The following ACTR3C variants were observed in gnomAD, a reference collection of about 807,000 sequenced individuals.
ACTR3C encodes the protein actin related protein 3C, also known as actin-related protein 3C.
ACTR3C carries 18 observed loss-of-function variants against 26.3 expected under a neutral mutation model. The observed-to-expected ratio is 0.68, with a 90% CI of 0.47 to 1.01. The LOEUF (loss-of-function observed/expected upper bound fraction) is 1.01, where lower values mean the gene tolerates loss of function less well. Ranked by LOEUF, ACTR3C falls within the 50% of genes least tolerant of loss-of-function variation. The pLI, the probability that ACTR3C is intolerant of heterozygous loss-of-function variation, is 0.00. For missense variants in ACTR3C, 184 were observed against 250.7 expected (o/e 0.73, Z 1.80); for synonymous variants, 55 against 94.5 (o/e 0.58, Z 2.42).
At chr7:150,276,545 G>A (rs1469240631) in intron 6 of ACTR3C, among the ~76,000 whole-genome samples, 1 of 152,242 alleles carries the variant, frequency 6.6e-6, no homozygotes, top group Non-Finnish European at 1.5e-5. Flanking sequence ...AATACGGGCT[G>A]TTATGATACC....
chr7:150,123,614 A>AC, the ACTR3C span, among the ~76,000 whole-genome samples: 5,290 of 85,550 alleles, frequency 0.062, 282 homozygotes, highest in African/African-American at 0.16. Flanking sequence ...CACACACACA[A>AC]ACACACACCC....
the ACTR3C span, among the ~76,000 whole-genome samples, chr7:150,099,848 C>A: frequency 3.3e-5 from 5 of 151,472 alleles, no homozygotes; most frequent in Non-Finnish European, 7.4e-5. Context: ...CAGCTGTGAC[C>A]CTGGGCCAGG....
the ACTR3C span, among the ~76,000 whole-genome samples, chr7:150,012,874 AGGC>A: frequency 6.6e-6 from 1 of 152,286 alleles, no homozygotes; most frequent in Non-Finnish European, 1.5e-5. Flanking sequence ...GAGGCTGGAA[AGGC>A]GGCTTGGTTC....
the ACTR3C span, among the ~76,000 whole-genome samples, chr7:150,041,784 C>G: frequency 4.9e-5 from 6 of 122,268 alleles, no homozygotes; most frequent in East Asian, 7.1e-4. Flanking sequence ...TCAGTCCCTG[C>G]CTCGCGGGGG....
At chr7:149,885,328 C>T in the ACTR3C span, among the ~76,000 whole-genome samples, 1 of 152,216 alleles carries the variant, frequency 6.6e-6, no homozygotes, top group East Asian at 1.9e-4. Context: ...AGGACTGGAG[C>T]TTCTGACCAG....
At chr7:150,278,712 C>T (rs1835083524) in intron 6 of ACTR3C, among the ~76,000 whole-genome samples, 1 of 152,222 alleles carries the variant, frequency 6.6e-6, no homozygotes, top group African/African-American at 2.4e-5. Context: ...CCTTCCCTTC[C>T]CACTAAGACA....
At chr7:150,124,042 C>A in the ACTR3C span, among the ~76,000 whole-genome samples, 1 of 152,138 alleles carries the variant, frequency 6.6e-6, no homozygotes, top group Non-Finnish European at 1.5e-5. Flanking sequence ...AATCAAGTCC[C>A]CATGGGCATC....
At chr7:150,237,305 A>G in the ACTR3C span, among the ~76,000 whole-genome samples, 1 of 152,224 alleles carries the variant, frequency 6.6e-6, no homozygotes, top group South Asian at 2.1e-4. Context: ...AATTGCAAGC[A>G]CCTACGTTGG....
chr7:150,201,458 T>A, the ACTR3C span, among the ~76,000 whole-genome samples: 1 of 152,178 alleles, frequency 6.6e-6, no homozygotes, highest in Admixed American at 6.5e-5. Context: ...AGTTTCTTAC[T>A]TTTTTTAGGC....
chr7:149,917,982 G>A, the ACTR3C span, among the ~76,000 whole-genome samples: 10 of 152,022 alleles, frequency 6.6e-5, no homozygotes, highest in African/African-American at 2.2e-4. Flanking sequence ...TTAAAGCAAC[G>A]CACAATCTCC....
chr7:150,315,773 T>C (rs897259954), intron 1 of ACTR3C, among the ~76,000 whole-genome samples: 10 of 152,166 alleles, frequency 6.6e-5, no homozygotes, highest in Non-Finnish European at 4.4e-5. Flanking sequence ...TATTCATACA[T>C]GTGTGTATTC....
At chr7:149,910,915 C>T in the ACTR3C span, among the ~76,000 whole-genome samples, 39 of 151,990 alleles carry the variant, frequency 2.6e-4, no homozygotes, top group African/African-American at 8.7e-4. Context: ...CTGAGGTCTT[C>T]GTGCCACAGG....
At chr7:149,963,871 G>C in the ACTR3C span, among the ~76,000 whole-genome samples, 2 of 152,200 alleles carry the variant, frequency 1.3e-5, no homozygotes, top group African/African-American at 4.8e-5. Flanking sequence ...TCCTGTCCCA[G>C]AGCTACTTTT....
the ACTR3C span, among the ~76,000 whole-genome samples, chr7:150,023,722 T>C: frequency 1.3e-5 from 2 of 149,262 alleles, no homozygotes; most frequent in Non-Finnish European, 3.0e-5. Flanking sequence ...ATTATTTTGC[T>C]GAAGTTCATT....
At chr7:150,221,782 C>A in the ACTR3C span, among the ~76,000 whole-genome samples, 1 of 152,054 alleles carries the variant, frequency 6.6e-6, no homozygotes, top group Non-Finnish European at 1.5e-5. Context: ...ATCACGAGGT[C>A]AGGAGATTGA....
chr7:149,947,210 C>T, the ACTR3C span, among the ~76,000 whole-genome samples: 26 of 149,128 alleles, frequency 1.7e-4, no homozygotes, highest in East Asian at 5.1e-3. Context: ...TTTTCCAGTT[C>T]TCTATAATCT....
intron 3 of ACTR3C, 114 bp from the exon 4 acceptor site, chr7:150,289,707 A>C: frequency 3.3e-6 from 5 of 1,531,202 alleles, no homozygotes; most frequent in Non-Finnish European, 3.5e-6. Flanking sequence ...CGGCACTGAC[A>C]AGCATTGACA....
At chr7:150,221,271 T>TC in the ACTR3C span, among the ~76,000 whole-genome samples, 1 of 147,938 alleles carries the variant, frequency 6.8e-6, no homozygotes, top group African/African-American at 2.5e-5. Context: ...CCCAAGAGTT[T>TC]TTTTTTCTTT....
the ACTR3C span, among the ~76,000 whole-genome samples, chr7:150,201,324 C>T: frequency 6.6e-6 from 1 of 152,174 alleles, no homozygotes; most frequent in Non-Finnish European, 1.5e-5. Context: ...GCTCTCAACA[C>T]AATACTGCTG....
Sources: gnomAD v4.1 joint callset for allele counts (sites outside exome capture counted in the v4.1 genomes callset) on GRCh38, gnomAD v4.1.1 for gene constraint, MANE v1.5 for transcripts, NCBI Gene and HGNC (gene_info 2026-07-23, HGNC 2026-07-21) for gene names.